Variants in FLYWCH1 observed in about 807,000 individuals in gnomAD.
The protein encoded by FLYWCH1 is FLYWCH-type zinc finger-containing protein 1.
FLYWCH1 carries 75 observed loss-of-function variants against 66.4 expected under a neutral mutation model. The ratio of observed to expected loss-of-function variants is 1.13; its 90% confidence interval spans 0.94 to 1.37. The LOEUF (loss-of-function observed/expected upper bound fraction) is 1.37, where lower values mean the gene tolerates loss of function less well. Among genes scored for constraint, FLYWCH1 ranks in the 40% most tolerant of loss-of-function variants. The probability of loss-of-function intolerance (pLI) is 0.00; values close to 1 mark genes in which losing one functional copy is unlikely to be tolerated. For missense variants in FLYWCH1, 1,334 were observed against 1,001.8 expected (o/e 1.33, Z -4.48); for synonymous variants, 595 against 429.9 (o/e 1.38, Z -4.75).
rs370886934 is a variant in FLYWCH1, at chr16:2,929,774, C to A, written c.89C>A (p.Pro30Gln). The change falls in exon 3 of 10, where the codon CCG becomes CAG. Residue 30 changes from proline (P) to glutamine (Q), a missense_variant. Pro to Gln is a moderately conservative substitution (Grantham distance 76). Transcript: ENST00000253928. ...PSPKPGTDVI[P>Q]AAPRKPREFS... ...CCCAAGCCAGGCACGGACGTCATCCCGGCAGCCCCCAGGAAGCCCAGGGAG... is the reference window on the plus strand; with the variant it reads ...CCCAAGCCAGGCACGGACGTCATCCAGGCAGCCCCCAGGAAGCCCAGGGAG... 1 of 1,613,888 alleles carries A rather than the reference C, an allele frequency of 6.2e-7. No homozygotes were observed.
Position 2,929,721 on chromosome 16 carries a change from G to A in FLYWCH1, c.36G>A (p.Glu12=), listed in dbSNP as rs751520471. 11 of 1,613,356 alleles carry A rather than the reference G, an allele frequency of 6.8e-6. No individual in the cohort carries two copies. The South Asian group carries it at 1.2e-4, about 18-fold the overall frequency. Residue 12 remains glutamate (E), a synonymous_variant, in exon 3 of 10, where the codon GAG becomes GAA. Transcript: ENST00000253928. Reference sequence around the variant, plus strand: ...CCGAGCCCAGCGAGCAGGAGGGCGAGAGTGTGAAGGCCGGCCAGGAGCCAT... The same window carrying A: ...CCGAGCCCAGCGAGCAGGAGGGCGAAAGTGTGAAGGCCGGCCAGGAGCCAT... The part of the protein sequence containing the change: ...PLPEPSEQEG[E]SVKAGQEPSP...
intron 9 of FLYWCH1, among the ~76,000 whole-genome samples, chr16:2,945,632 CAAA>C (rs34393477): frequency 7.0e-4 from 79 of 112,212 alleles, no homozygotes; most frequent in African/African-American, 8.3e-4. Flanking sequence ...GACTACATCT[CAAA>C]AAAAAAAAAA....
chr16:2,941,480 T>C (rs546779908), intron 9 of FLYWCH1, among the ~76,000 whole-genome samples: 36 of 152,180 alleles, frequency 2.4e-4, no homozygotes, highest in South Asian at 2.1e-4. Flanking sequence ...CATGGTAGCA[T>C]GTGCTGGTAG....
chr16:2,923,567 A>G (rs62032310), intron 2 of FLYWCH1, among the ~76,000 whole-genome samples: 80,532 of 151,462 alleles, frequency 0.53, 21,483 homozygotes, highest in African/African-American at 0.57. Flanking sequence ...TTTAAAATGC[A>G]TACTTCTCCT....
chr16:2,925,813 G>T (rs1243151198), intron 2 of FLYWCH1, among the ~76,000 whole-genome samples: 1 of 152,134 alleles, frequency 6.6e-6, no homozygotes, highest in African/African-American at 2.4e-5. Flanking sequence ...CCTTAATGGA[G>T]TTAAGGAGCC....
intron 2 of FLYWCH1, among the ~76,000 whole-genome samples, chr16:2,921,846 G>A (rs1246804734): frequency 6.6e-6 from 1 of 152,118 alleles, no homozygotes; most frequent in Non-Finnish European, 1.5e-5. Context: ...GGCAGATCAT[G>A]AGGTCGGAAG....
chr16:2,917,799 C>A (rs1392459553), intron 2 of FLYWCH1, among the ~76,000 whole-genome samples: 1 of 149,338 alleles, frequency 6.7e-6, no homozygotes, highest in Non-Finnish European at 1.5e-5. Flanking sequence ...CCTCCCTCTT[C>A]CCCTCCCCCG....
chr16:2,913,904 C>T (rs913513479), intron 1 of FLYWCH1, among the ~76,000 whole-genome samples: 3 of 152,066 alleles, frequency 2.0e-5, no homozygotes, highest in Non-Finnish European at 2.9e-5. Flanking sequence ...AGGGGCAGGT[C>T]TCACTATGTT....
At chr16:2,936,963 C>T (rs1165012492) in intron 6 of FLYWCH1, 158 bp from the exon 7 acceptor site, 3 of 938,240 alleles carry the variant, frequency 3.2e-6, no homozygotes, top group Non-Finnish European at 4.7e-6. Flanking sequence ...GGAGCCCCAG[C>T]AGAGTTGGGG....
chr16:2,916,259 T>TA (rs1189120486), intron 2 of FLYWCH1, among the ~76,000 whole-genome samples: 1 of 151,842 alleles, frequency 6.6e-6, no homozygotes, highest in East Asian at 1.9e-4. Flanking sequence ...TCAGGATAAT[T>TA]AACCTAGGAG....
intron 2 of FLYWCH1, among the ~76,000 whole-genome samples, chr16:2,923,372 G>A (rs946270891): frequency 9.2e-5 from 14 of 152,140 alleles, no homozygotes; most frequent in African/African-American, 2.4e-4. Context: ...TCAGCCTCTC[G>A]AGTAGTTGGG....
intron 6 of FLYWCH1, chr16:2,936,780 G>C (rs1278447000): frequency 1.9e-6 from 1 of 520,230 alleles, no homozygotes; most frequent in Non-Finnish European, 3.7e-6. Context: ...TCATTCCTCT[G>C]ACCAACCAGG....
At chr16:2,927,155 G>GT (rs1426746062) in intron 2 of FLYWCH1, among the ~76,000 whole-genome samples, 2 of 152,170 alleles carry the variant, frequency 1.3e-5, no homozygotes, top group Non-Finnish European at 2.9e-5. Flanking sequence ...TGGCGGTGGT[G>GT]TTTAATACGT....
Position 2,949,954 on chromosome 16 carries a change from C to T in FLYWCH1, c.*1227C>T, listed in dbSNP as rs62032317. 0.069 allele frequency: 10,458 copies of T among 152,232 alleles called. 398 individuals are homozygous for T. The highest frequency in any genetic ancestry group is 0.08 in the Non-Finnish European group (5,444 of 68,038). The allele number at this position is 152,232 out of a possible 1,614,324, so 9.4% of individuals were successfully genotyped here. A position where few individuals can be genotyped will look rare whatever the true frequency, so the allele number is the denominator to read the frequency against. ...GGCTGTTACAGTCACCTGGCCCAGA[C>T]GTAACCTGGACCAAGAGTGGACGGA... is the stretch of plus-strand genomic sequence containing the variant. On this transcript the variant is annotated 3_prime_UTR_variant, in exon 10 of 10. Coordinates refer to ENST00000253928, the MANE Select transcript of FLYWCH1 (RefSeq NM_001308068.2).
chr16:2,929,997 C>G lies in FLYWCH1; in HGVS notation c.312C>G (p.Ser104Arg). Reference protein sequence around the residue: ...PALEMPEQKCSKLDAAAPQSL... With the variant: ...PALEMPEQKCRKLDAAAPQSL... ...TAGAGATGCCTGAACAGAAGTGCAGCAAGCTGGATGCAGGTGAGGTGTGGC... is the reference window on the plus strand; with the variant it reads ...TAGAGATGCCTGAACAGAAGTGCAGGAAGCTGGATGCAGGTGAGGTGTGGC... The change falls in exon 3 of 10, where the codon AGC becomes AGG. Residue 104 changes from serine (S) to arginine (R), a missense_variant. Transcript: ENST00000253928. 6.2e-7 allele frequency: 1 copy of G among 1,604,482 alleles called. No homozygotes were observed. The highest frequency in any genetic ancestry group is 8.5e-7 in the Non-Finnish European group (1 of 1,172,868).
chr16:2,917,802 C>T (rs1300603020), intron 2 of FLYWCH1, among the ~76,000 whole-genome samples: 1 of 151,296 alleles, frequency 6.6e-6, no homozygotes, highest in Non-Finnish European at 1.5e-5. Flanking sequence ...CCCTCTTCCC[C>T]TCCCCCGATC....
chr16:2,917,711 C>T (rs940828213), intron 2 of FLYWCH1, among the ~76,000 whole-genome samples: 3 of 152,108 alleles, frequency 2.0e-5, no homozygotes, highest in Non-Finnish European at 4.4e-5. Flanking sequence ...TAGTGTTTGT[C>T]AAAGTCTAGT....
rs1256982779 is a variant in FLYWCH1 at position 2,929,717 on chromosome 16, G to A, written c.32G>A (p.Gly11Asp). 6.2e-7 allele frequency: 1 copy of A among 1,613,328 alleles called. No individual in the cohort carries two copies. Among genetic ancestry groups the A allele is most frequent in the Non-Finnish European group, 8.5e-7 (1 of 1,179,696 alleles). Residue 11 changes from glycine (G) to aspartate (D), a missense_variant, in exon 3 of 10, where the codon GGC (glycine) becomes GAC (aspartate). Gly to Asp is a moderately conservative substitution (Grantham distance 94, BLOSUM62 -1). Coordinates refer to ENST00000253928, the MANE Select transcript of FLYWCH1 (RefSeq NM_001308068.2). MPLPEPSEQEGESVKAGQEPS... is the reference protein window; with the variant it reads MPLPEPSEQEDESVKAGQEPS... ...CTGCCCGAGCCCAGCGAGCAGGAGGGCGAGAGTGTGAAGGCCGGCCAGGAG... is the reference window on the plus strand; with the variant it reads ...CTGCCCGAGCCCAGCGAGCAGGAGGACGAGAGTGTGAAGGCCGGCCAGGAG...
intron 2 of FLYWCH1, among the ~76,000 whole-genome samples, chr16:2,924,632 C>T (rs1489789532): frequency 6.6e-6 from 1 of 152,186 alleles, no homozygotes; most frequent in African/African-American, 2.4e-5. Flanking sequence ...AATGTGTACC[C>T]TACGCTCCTG....
Sources: allele counts gnomAD v4.1 joint callset (sites outside exome capture counted in the v4.1 genomes callset), GRCh38; gene constraint gnomAD v4.1.1; transcripts MANE v1.5; gene names NCBI Gene and HGNC (gene_info 2026-07-23, HGNC 2026-07-21).